Variants in ZNF678 observed in about 807,000 individuals in gnomAD.
The protein encoded by ZNF678 is zinc finger protein 678.
A neutral mutation model predicts 3.0 loss-of-function variants in ZNF678; 5 were observed. The ratio of observed to expected loss-of-function variants is 1.69; its 90% CI spans 0.88 to 3.56. ZNF678 has a LOEUF of 3.56. Ranked by LOEUF, ZNF678 falls within the 30% of genes most tolerant of loss-of-function variation. The pLI is 0.00. For synonymous variants in ZNF678, 218 were observed against 199.6 expected (o/e 1.09, Z -0.78); for missense variants, 593 against 605.0 (o/e 0.98, Z 0.21).
intron 1 of ZNF678, among the ~76,000 whole-genome samples, chr1:227,612,914 A>G (rs1269973895): frequency 1.3e-5 from 2 of 152,246 alleles, no homozygotes; most frequent in African/African-American, 4.8e-5. Context: ...AAACATCATC[A>G]GTGTCTGACT....
intron 5 of ZNF678, chr1:227,677,034 C>A (rs1286835481): frequency 6.6e-6 from 1 of 152,154 alleles, no homozygotes; most frequent in Non-Finnish European, 1.5e-5. Context: ...TGGGTATATA[C>A]CCAGTAATGG....
At chr1:227,589,168 GC>G (rs1253726155) in intron 1 of ZNF678, among the ~76,000 whole-genome samples, 1 of 151,592 alleles carries the variant, frequency 6.6e-6, no homozygotes. Flanking sequence ...GCCAATTTTT[GC>G]TTTTGTTGCA....
chr1:227,588,848 G>C (rs1462868102), intron 1 of ZNF678, among the ~76,000 whole-genome samples: 8 of 151,172 alleles, frequency 5.3e-5, no homozygotes, highest in Non-Finnish European at 4.4e-5. Flanking sequence ...GCATGAGATG[G>C]TATCTCACTG....
At chr1:227,574,527 T>G (rs1483144136) in intron 1 of ZNF678, among the ~76,000 whole-genome samples, 1 of 151,502 alleles carries the variant, frequency 6.6e-6, no homozygotes, top group Non-Finnish European at 1.5e-5. Flanking sequence ...TGTGTTTTGG[T>G]TTTTTTTAAG....
Position 227,658,583 on chromosome 1 carries a change from G to A in ZNF678, c.*2755G>A, listed in dbSNP as rs1489656033. 6.6e-6 allele frequency: 1 copy of A among 151,706 alleles called. No individual in the cohort carries two copies. The highest frequency in any genetic ancestry group is 2.4e-5 in the African/African-American group (1 of 41,312). The allele number at this position is 151,706 out of a possible 1,614,324, so 9.4% of individuals were successfully genotyped here. ...TCAATCATAGCCCTTTCCCTTCTTT[G>A]CTTATTATGGCTACAGATTTCTCAC... On this transcript the variant is annotated 3_prime_UTR_variant, in exon 4 of 4. Transcript: ENST00000343776.
At chr1:227,586,267 A>G (rs1298095930) in intron 1 of ZNF678, among the ~76,000 whole-genome samples, 1 of 152,236 alleles carries the variant, frequency 6.6e-6, no homozygotes, top group Non-Finnish European at 1.5e-5. Context: ...ATTCACAGGA[A>G]AATACTAATG....
intron 1 of ZNF678, among the ~76,000 whole-genome samples, chr1:227,593,003 CT>C (rs1558135956): frequency 6.6e-6 from 1 of 152,220 alleles, no homozygotes; most frequent in African/African-American, 2.4e-5. Context: ...AAGTTTTCTC[CT>C]TGTCGTGAGA....
downstream of ZNF678, among the ~76,000 whole-genome samples, chr1:227,666,837 C>T (rs990503547): frequency 7.3e-5 from 11 of 150,700 alleles, no homozygotes; most frequent in African/African-American, 2.4e-4. Context: ...CTCCGCCTCC[C>T]GGGTTCAAGC....
Position 227,576,082 on chromosome 1 carries a change from C to T in ZNF678, c.-164+12358C>T, listed in dbSNP as rs760583590. The stretch of plus-strand genomic sequence containing the variant: ...CATATGTTGAACTAAACTTGCATCC[C>T]GGGGATAAAGCCTACTTGATCATGG... On this transcript the variant is annotated intron_variant, in intron 1 of 3. Transcript: ENST00000343776. Among the ~76,000 whole-genome samples, 8 of 152,066 alleles carry T rather than the reference C, an allele frequency of 5.3e-5. 1 individual carries two copies. Among genetic ancestry groups the T allele is most frequent in the South Asian group, 2.1e-4 (1 of 4,820 alleles).
chr1:227,580,438 T>TTA (rs1329923747), intron 1 of ZNF678, among the ~76,000 whole-genome samples: 4 of 152,190 alleles, frequency 2.6e-5, no homozygotes, highest in African/African-American at 9.7e-5. Flanking sequence ...TTGACAGAAA[T>TTA]TATATCCATA....
chr1:227,606,724 G>A (rs529272229), intron 1 of ZNF678, among the ~76,000 whole-genome samples: 4 of 152,194 alleles, frequency 2.6e-5, no homozygotes, highest in Non-Finnish European at 4.4e-5. Flanking sequence ...AGGTCCCTGC[G>A]GCTTTCTGCA....
chr1:227,572,632 C>T (rs190146508), intron 1 of ZNF678, among the ~76,000 whole-genome samples: 265 of 152,282 alleles, frequency 1.7e-3, no homozygotes, highest in Non-Finnish European at 3.2e-3. Context: ...ATGTGCACTG[C>T]CTGGCCTTAT....
chr1:227,607,459 G>A (rs1052729653), intron 1 of ZNF678, among the ~76,000 whole-genome samples: 29 of 152,008 alleles, frequency 1.9e-4, no homozygotes, highest in African/African-American at 7.0e-4. Context: ...TCAAATGATG[G>A]CTGGCAGCCT....
At chr1:227,607,718 TATA>T (rs1166273900) in intron 1 of ZNF678, among the ~76,000 whole-genome samples, 6 of 147,448 alleles carry the variant, frequency 4.1e-5, no homozygotes, top group Admixed American at 1.4e-4. Flanking sequence ...ATTTATATTT[TATA>T]ATATGTATTT....
At chr1:227,669,560 A>C (rs1340597998) in intron 5 of ZNF678, among the ~76,000 whole-genome samples, 4 of 151,868 alleles carry the variant, frequency 2.6e-5, no homozygotes, top group African/African-American at 9.7e-5. Context: ...GAGGCAGGAG[A>C]ATGGCGGGAA....
intron 1 of ZNF678, among the ~76,000 whole-genome samples, chr1:227,605,433 G>T (rs568682371): frequency 1.3e-5 from 2 of 152,004 alleles, no homozygotes; most frequent in Non-Finnish European, 1.5e-5. Context: ...TTATCTTTTC[G>T]TATATGACTT....
At chr1:227,566,050 C>T (rs1197149991) in intron 1 of ZNF678, among the ~76,000 whole-genome samples, 1 of 152,124 alleles carries the variant, frequency 6.6e-6, no homozygotes, top group Admixed American at 6.5e-5. Flanking sequence ...CGTGAGCCAC[C>T]GCGCCCGGCT....
intron 1 of ZNF678, among the ~76,000 whole-genome samples, chr1:227,604,515 A>G (rs926581256): frequency 6.6e-6 from 1 of 152,126 alleles, no homozygotes; most frequent in Non-Finnish European, 1.5e-5. Flanking sequence ...CCACCTGAGT[A>G]GCTGGGACTA....
At chr1:227,566,129 G>T (rs1397155236) in intron 1 of ZNF678, among the ~76,000 whole-genome samples, 1 of 152,200 alleles carries the variant, frequency 6.6e-6, no homozygotes, top group Non-Finnish European at 1.5e-5. Flanking sequence ...GCCCACAGTG[G>T]CTATGTCTCT....
Sources: allele counts gnomAD v4.1 joint callset (sites outside exome capture counted in the v4.1 genomes callset), GRCh38; gene constraint gnomAD v4.1.1; transcripts MANE v1.5; gene names NCBI Gene and HGNC (gene_info 2026-07-23, HGNC 2026-07-21).